Variants in STARD4 observed in about 807,000 individuals in gnomAD.
The protein encoded by STARD4 is stAR-related lipid transfer protein 4.
In STARD4, 33 loss-of-function variants were observed where a neutral mutation model predicts 24.9. The ratio of observed to expected loss-of-function variants is 1.32; its 90% CI spans 1.00 to 1.77. The LOEUF is 1.77. Among genes scored for constraint, STARD4 ranks in the 40% most tolerant of loss-of-function variants. The pLI, the probability that STARD4 is intolerant of heterozygous loss-of-function variation, is 0.00. For synonymous variants in STARD4, 88 were observed against 77.4 expected (o/e 1.14, Z -0.72); for missense variants, 238 against 249.3 (o/e 0.95, Z 0.31).
rs78019286 is a variant in STARD4 at position 111,506,451 on chromosome 5, T to C, written c.106-72A>G. On this transcript the variant is annotated intron_variant, in intron 2 of 5. Transcript: ENST00000296632. ...CCTAGACACAAAACTGATAATTTTA[T>C]AAGTCTATAGAATTTGTCTTTGCAT... is the stretch of plus-strand genomic sequence containing the variant. The C allele has an allele frequency of 7.4e-3, 4,881 of 663,998 alleles. 159 individuals carry two copies. In the African/African-American group the frequency reaches 0.08, roughly 11 times the overall value. 41.1% of individuals were successfully genotyped at this position (663,998 alleles called of 1,614,324 possible).
chr5:111,496,949 G>A lies in STARD4; in HGVS notation c.*2937C>T, dbSNP rs1164928516. The stretch of plus-strand genomic sequence containing the variant: ...CTAGATTCTCATTATTTTTTTTTGA[G>A]TACTGTTTTAAACTTTAAGGGTTAA... On this transcript the variant is annotated 3_prime_UTR_variant, in exon 6 of 6. Transcript: ENST00000296632. 6.6e-6 allele frequency: 1 copy of A among 150,918 alleles called. No individual in the cohort carries two copies. The allele number at this position is 150,918 out of a possible 1,614,324, so 9.3% of individuals were successfully genotyped here. A position where few individuals can be genotyped will look rare whatever the true frequency, so the allele number is the denominator to read the frequency against.
intron 4 of STARD4, 96 bp downstream of exon 4, chr5:111,501,866 A>T: frequency 6.7e-7 from 1 of 1,493,392 alleles, no homozygotes; most frequent in Non-Finnish European, 9.1e-7. Context: ...AATGAATATA[A>T]GTGTGTACAA....
At chr5:111,506,117 C>G (rs1467415142) in intron 3 of STARD4, 1 of 270,854 alleles carries the variant, frequency 3.7e-6, no homozygotes, top group Non-Finnish European at 7.0e-6. Flanking sequence ...TCGCTTGAAC[C>G]CGGGAGGCAG....
rs1262867307 is a variant in STARD4 at position 111,499,510 on chromosome 5, A to C, written c.*376T>G. 1 of 170,898 alleles carries C rather than the reference A, an allele frequency of 5.9e-6. No homozygotes were observed. Among genetic ancestry groups the C allele is most frequent in the Non-Finnish European group, 1.2e-5 (1 of 80,134 alleles). The allele number at this position is 170,898 out of a possible 1,614,324, so 10.6% of individuals were successfully genotyped here. ...AGCCTGGGCAACACAGTGTGACCAC[A>C]TCTCTACAAAAAATTAAACAAAAAT... On this transcript the variant is annotated 3_prime_UTR_variant, in exon 6 of 6. Coordinates refer to ENST00000296632, the MANE Select transcript of STARD4 (RefSeq NM_139164.3).
chr5:111,500,316 TAATC>T, intron 5 of STARD4: 1 of 1,303,888 alleles, frequency 7.7e-7, no homozygotes. Context: ...GGGAAACTTT[TAATC>T]CTTTCAGAAT....
chr5:111,499,982 C>T lies in STARD4; in HGVS notation c.522G>A (p.Gln174=). Residue 174 remains glutamine, a synonymous_variant, in exon 6 of 6, where the codon CAG becomes CAA. Transcript: ENST00000296632. ...GAGGAATCATCCCACGCAGATCTGT[C>T]TGAATATATCCTGTCAAAAGACTCT... is the stretch of plus-strand genomic sequence containing the variant. The part of the protein sequence containing the change: ...PNQSLLTGYI[Q]TDLRGMIPQS... The T allele has an allele frequency of 6.2e-7, 1 of 1,614,084 alleles. No individual in the cohort carries two copies. Among genetic ancestry groups the T allele is most frequent in the Non-Finnish European group, 8.5e-7 (1 of 1,179,996 alleles).
intron 2 of STARD4, among the ~76,000 whole-genome samples, chr5:111,506,806 C>T (rs1008484004): frequency 1.3e-5 from 2 of 152,192 alleles, no homozygotes; most frequent in Non-Finnish European, 2.9e-5. Flanking sequence ...TTTGTCCCTA[C>T]ATTTTTTCCT....
chr5:111,502,996 A>G (rs1049454682), intron 3 of STARD4, among the ~76,000 whole-genome samples: 3 of 152,316 alleles, frequency 2.0e-5, no homozygotes, highest in African/African-American at 7.2e-5. Flanking sequence ...AGCCAAAAAC[A>G]GTTTATAGAA....
In STARD4 at chr5:111,507,511, A is replaced by G; in HGVS notation, c.-9-69T>C. ...GAGGCAATAGGCCAGTGGGTCTCGA[A>G]TCTGGTTTCACAATATAATAACCTA... On this transcript the variant is annotated intron_variant, in intron 1 of 5. Transcript: ENST00000296632. The surrounding 1 kb of genome is among the most constrained non-coding windows in gnomAD (Gnocchi z 4.4). The G allele has an allele frequency of 8.5e-7, 1 of 1,178,842 alleles. No individual in the cohort carries two copies. The highest frequency in any genetic ancestry group is 1.2e-6 in the Non-Finnish European group (1 of 817,996). The allele number at this position is 1,178,842 out of a possible 1,614,324, so 73.0% of individuals were successfully genotyped here.
chr5:111,507,333 T>C lies in STARD4; in HGVS notation c.101A>G (p.Lys34Arg), dbSNP rs1756938149. Reference protein sequence around the residue: ...IEEDKWRVAKKTKDVTVWRKP... With the variant: ...IEEDKWRVAKRTKDVTVWRKP... ...TAAGTAATTGAACTAATTTACCGTT[T>C]TCTTAGCAACTCGCCACTTATCTTC... is the stretch of plus-strand genomic sequence containing the variant. The change falls in exon 2 of 6, where the codon AAA (lysine) becomes AGA (arginine). Residue 34 changes from lysine (K) to arginine (R), a missense_variant. Transcript: ENST00000296632. The surrounding 1 kb of genome is among the most constrained non-coding windows in gnomAD (Gnocchi z 4.4). The C allele has an allele frequency of 6.2e-7, 1 of 1,611,670 alleles. No homozygotes were observed. The highest frequency in any genetic ancestry group is 8.5e-7 in the Non-Finnish European group (1 of 1,179,084).
intron 3 of STARD4, among the ~76,000 whole-genome samples, chr5:111,503,002 T>C (rs1469428796): frequency 1.3e-5 from 2 of 152,204 alleles, no homozygotes; most frequent in Non-Finnish European, 2.9e-5. Flanking sequence ...AAACAGTTTA[T>C]AGAATGCCAT....
At chr5:111,505,015 C>T (rs1043548927) in intron 3 of STARD4, 1 of 455,298 alleles carries the variant, frequency 2.2e-6, no homozygotes, top group Admixed American at 2.4e-5. Context: ...CAGGTCCTAC[C>T]TCTTTTGATC....
chr5:111,506,047 A>T (rs1756828591), intron 3 of STARD4, among the ~76,000 whole-genome samples: 1 of 152,100 alleles, frequency 6.6e-6, no homozygotes, highest in African/African-American at 2.4e-5. Context: ...AAAAAAAGTT[A>T]GCCAGGCACA....
intron 3 of STARD4, among the ~76,000 whole-genome samples, chr5:111,504,592 C>T (rs1364803348): frequency 6.6e-6 from 1 of 152,126 alleles, no homozygotes; most frequent in African/African-American, 2.4e-5. Flanking sequence ...AGCTTCAGCT[C>T]TATCAGTACC....
At chr5:111,504,828 G>A (rs1398135974) in intron 3 of STARD4, among the ~76,000 whole-genome samples, 4 of 152,058 alleles carry the variant, frequency 2.6e-5, no homozygotes, top group Non-Finnish European at 4.4e-5. Flanking sequence ...CAGTCACTAT[G>A]GTTTTATCAG....
intron 4 of STARD4, 88 bp from the exon 5 acceptor site, chr5:111,501,204 A>G: frequency 7.8e-7 from 1 of 1,287,394 alleles, no homozygotes. Flanking sequence ...GAAAGAAACT[A>G]ATATTTATTT....
At chr5:111,509,665 T>C (rs1757105516) in intron 1 of STARD4, among the ~76,000 whole-genome samples, 1 of 152,148 alleles carries the variant, frequency 6.6e-6, no homozygotes, top group African/African-American at 2.4e-5. Flanking sequence ...GTAGGAAATC[T>C]GGCTTGTTCA....
At chr5:111,503,561 G>A (rs553622798) in intron 3 of STARD4, among the ~76,000 whole-genome samples, 9 of 152,024 alleles carry the variant, frequency 5.9e-5, no homozygotes, top group Non-Finnish European at 1.0e-4. Context: ...CCAGGTAGTC[G>A]GAAGCTGCAG....
At chr5:111,504,442 T>C (rs1402368363) in intron 3 of STARD4, among the ~76,000 whole-genome samples, 1 of 152,082 alleles carries the variant, frequency 6.6e-6, no homozygotes, top group Non-Finnish European at 1.5e-5. Context: ...CACATGAATA[T>C]AAAAAACACA....
Sources: allele counts gnomAD v4.1 joint callset (sites outside exome capture counted in the v4.1 genomes callset), GRCh38; gene constraint gnomAD v4.1.1; non-coding constraint Gnocchi (gnomAD v3.1); transcripts MANE v1.5; gene names NCBI Gene and HGNC (gene_info 2026-07-23, HGNC 2026-07-21).